The following SLC4A5 variants were observed in gnomAD, a reference collection of about 807,000 sequenced individuals.
SLC4A5 encodes solute carrier family 4 member 5.
In SLC4A5, 96 loss-of-function variants were observed where a neutral mutation model predicts 120.4. The observed-to-expected ratio is 0.80, with a 90% CI of 0.68 to 0.94. SLC4A5 has a LOEUF of 0.94. SLC4A5 is among the 40% of genes least tolerant of loss of function. SLC4A5 has a pLI of 0.00. For synonymous variants in SLC4A5, 550 were observed against 571.1 expected (o/e 0.96, Z 0.53); for missense variants, 1,259 against 1,459.5 (o/e 0.86, Z 2.24).
chr2:74,299,117 G>A (rs1267965268), intron 7 of SLC4A5, among the ~76,000 whole-genome samples: 2 of 151,294 alleles, frequency 1.3e-5, no homozygotes, highest in Admixed American at 6.5e-5. Flanking sequence ...TTGGGAGGCC[G>A]AGGAAGGCAG....
In SLC4A5 at chr2:74,245,586, A is replaced by G. The variant is rs1446941426; in HGVS notation, c.2059+1450T>C. Among the ~76,000 whole-genome samples, 6 of 152,370 alleles carry G rather than the reference A, an allele frequency of 3.9e-5. No individual in the cohort carries two copies. In the East Asian group the frequency reaches 1.2e-3, roughly 29 times the overall value. On this transcript the variant is annotated intron_variant, in intron 19 of 30. Coordinates refer to ENST00000394019, the Ensembl canonical transcript of SLC4A5. Reference sequence around the variant, plus strand: ...GCCTTGGCTCAGAACAAAGGGTAGCATCACCTGTCATTAGATTTTAGTGGA... The same window carrying G: ...GCCTTGGCTCAGAACAAAGGGTAGCGTCACCTGTCATTAGATTTTAGTGGA...
chr2:74,331,112 T>C (rs1673356366), intron 4 of SLC4A5, among the ~76,000 whole-genome samples: 1 of 149,304 alleles, frequency 6.7e-6, no homozygotes, highest in South Asian at 2.1e-4. Flanking sequence ...TAGATGGTGG[T>C]GGTGAGGTGT....
At chr2:74,253,155 G>C (rs570532997) in intron 14 of SLC4A5, 27 bp from the exon 15 acceptor site, 19 of 1,613,332 alleles carry the variant, frequency 1.2e-5, no homozygotes, top group South Asian at 9.9e-5. Flanking sequence ...AGGGAGAAAA[G>C]AAAGATCGGG....
chr2:74,236,287 C>A (rs898308100), intron 21 of SLC4A5, among the ~76,000 whole-genome samples: 1 of 152,190 alleles, frequency 6.6e-6, no homozygotes, highest in African/African-American at 2.4e-5. Context: ...ACTGTGCCTC[C>A]TGTCCTTTCC....
intron 6 of SLC4A5, among the ~76,000 whole-genome samples, chr2:74,305,178 T>G (rs1312411302): frequency 1.3e-5 from 2 of 152,178 alleles, no homozygotes; most frequent in African/African-American, 4.8e-5. Flanking sequence ...CTAAAATTTC[T>G]AAGAACTAAA....
intron 7 of SLC4A5, among the ~76,000 whole-genome samples, chr2:74,299,273 C>T (rs1249151353): frequency 6.6e-6 from 1 of 152,136 alleles, no homozygotes; most frequent in African/African-American, 2.4e-5. Flanking sequence ...ATTGCTTGAA[C>T]CCGGGAGGCA....
chr2:74,270,449 G>A (rs1430272706), intron 8 of SLC4A5, among the ~76,000 whole-genome samples: 2 of 152,136 alleles, frequency 1.3e-5, no homozygotes, highest in African/African-American at 2.4e-5. Flanking sequence ...AGAGGCAGGC[G>A]GATCACGAGG....
chr2:74,262,131 ACT>A lies in SLC4A5; in HGVS notation c.811+4_811+5del. ...GCTGCCACAGAGCGGCAGAGCACAC[ACT>A]CACACAGACGTCCGTAATTTGCACT... On this transcript the variant is annotated splice_donor_5th_base_variant and intron_variant, in intron 11 of 30. Coordinates refer to ENST00000394019, the Ensembl canonical transcript of SLC4A5. 1 of 1,612,940 alleles carries A rather than the reference ACT, an allele frequency of 6.2e-7. No individual in the cohort carries two copies. Among genetic ancestry groups the A allele is most frequent in the South Asian group, 1.1e-5 (1 of 90,972 alleles).
intron 8 of SLC4A5, 44 bp from the exon 9 acceptor site, chr2:74,265,308 G>C (rs776778763): frequency 1.3e-6 from 2 of 1,595,672 alleles, no homozygotes; most frequent in Non-Finnish European, 8.6e-7. Context: ...GGGCCCTCAG[G>C]AGGAGGCCTC....
rs746555265 is a variant in SLC4A5 at position 74,235,216 on chromosome 2, T to C, written c.2320-2A>G. On this transcript the variant is annotated splice_acceptor_variant, in intron 21 of 30. Coordinates refer to ENST00000394019, the Ensembl canonical transcript of SLC4A5. LOFTEE classifies it high-confidence loss of function. ...AAAGTCAGCCACCAGGGCCCGGACC[T>C]GCAGACAGGAGATGAGCAAGTAAAA... 1 of 1,612,688 alleles carries C rather than the reference T, an allele frequency of 6.2e-7. No homozygotes were observed. Among genetic ancestry groups the C allele is most frequent in the Non-Finnish European group, 8.5e-7 (1 of 1,179,106 alleles).
At chr2:74,252,487 A>T (rs1670825278) in intron 15 of SLC4A5, 99 bp from the exon 16 acceptor site, 2 of 1,439,952 alleles carry the variant, frequency 1.4e-6, no homozygotes, top group South Asian at 2.7e-5. Flanking sequence ...ACAAAAATGC[A>T]GAAAATTGTC....
At chr2:74,322,612 T>G (rs1359815836) in intron 5 of SLC4A5, among the ~76,000 whole-genome samples, 1 of 152,206 alleles carries the variant, frequency 6.6e-6, no homozygotes, top group African/African-American at 2.4e-5. Flanking sequence ...CTGTTAATTC[T>G]GGACAGTAAT....
At chr2:74,304,563 G>A (rs1672578076) in exon 7 of SLC4A5, 1 of 1,614,082 alleles carries the variant, frequency 6.2e-7, no homozygotes, top group African/African-American at 1.3e-5. Flanking sequence ...TTCCTGCTGT[G>A]GCTGGTCTGG....
chr2:74,252,392 G>T lies in SLC4A5; in HGVS notation c.1269-4C>A. The T allele has an allele frequency of 6.2e-7, 1 of 1,610,862 alleles. No homozygotes were observed. On this transcript the variant is annotated splice_polypyrimidine_tract_variant and splice_region_variant and intron_variant, in intron 15 of 30. Coordinates refer to ENST00000394019, the Ensembl canonical transcript of SLC4A5. ...TGCTAGGGAGAACACAGATTTCCTG[G>T]AAGAGAAGGGGGATGAAGGAGAGTG...
At chr2:74,280,718 C>T (rs1312021163) in intron 8 of SLC4A5, among the ~76,000 whole-genome samples, 1 of 150,210 alleles carries the variant, frequency 6.7e-6, no homozygotes, top group Non-Finnish European at 1.5e-5. Context: ...GAGTTTCACT[C>T]TTGTTGCCCA....
At chr2:74,253,785 T>C (rs1670870156) in intron 14 of SLC4A5, among the ~76,000 whole-genome samples, 1 of 152,192 alleles carries the variant, frequency 6.6e-6, no homozygotes, top group Admixed American at 6.5e-5. Flanking sequence ...ATCATCTATT[T>C]TGGAAACACT....
intron 6 of SLC4A5, among the ~76,000 whole-genome samples, chr2:74,305,722 T>C (rs1292563761): frequency 8.8e-5 from 8 of 90,862 alleles, no homozygotes; most frequent in Non-Finnish European, 3.6e-5. Flanking sequence ...TTTTCTTTCC[T>C]TTTTTTTTTT....
intron 7 of SLC4A5, among the ~76,000 whole-genome samples, chr2:74,296,467 GA>G (rs896442168): frequency 2.0e-5 from 3 of 151,836 alleles, no homozygotes; most frequent in Non-Finnish European, 4.4e-5. Flanking sequence ...AACCCTAAAA[GA>G]AAGCCAATTG....
rs548948543 is a variant in SLC4A5 at position 74,237,632 on chromosome 2, G to A, written c.2319+1703C>T. On this transcript the variant is annotated intron_variant, in intron 21 of 30. Transcript: ENST00000394019. Reference sequence around the variant, plus strand: ...ATTATGATTAGTAGCAGTAGCAGCTGTAATACTTAGTTAAGATGGCTTTAG... The same window carrying A: ...ATTATGATTAGTAGCAGTAGCAGCTATAATACTTAGTTAAGATGGCTTTAG... Among the ~76,000 whole-genome samples, 21 of 152,298 alleles carry A rather than the reference G, an allele frequency of 1.4e-4. 1 individual carries two copies. The highest frequency in any genetic ancestry group is 1.2e-3 in the Admixed American group (19 of 15,298).
Sources: gnomAD v4.1 joint callset for allele counts (sites outside exome capture counted in the v4.1 genomes callset) on GRCh38, gnomAD v4.1.1 for gene constraint, MANE v1.5 for transcripts, NCBI Gene and HGNC (gene_info 2026-07-23, HGNC 2026-07-21) for gene names.